Variants in SLC38A2 observed in about 807,000 individuals in gnomAD.
SLC38A2 encodes sodium-coupled neutral amino acid symporter 2.
Under a neutral mutation model 61.5 loss-of-function variants are expected in SLC38A2, and 11 were observed. The ratio of observed to expected loss-of-function variants is 0.18; its 90% CI spans 0.11 to 0.30. The LOEUF (loss-of-function observed/expected upper bound fraction) is 0.30, where lower values mean the gene tolerates loss of function less well. SLC38A2 is among the 10% of genes least tolerant of loss of function. The probability of loss-of-function intolerance (pLI) is 1.00; values close to 1 mark genes in which losing one functional copy is unlikely to be tolerated. For missense variants in SLC38A2, 522 were observed against 600.4 expected (o/e 0.87, Z 1.36); for synonymous variants, 217 against 212.5 (o/e 1.02, Z -0.18).
chr12:46,366,944 A>G lies in SLC38A2; in HGVS notation c.483T>C (p.Ala161=). The change falls in exon 7 of 16, where the codon GCT becomes GCC. Residue 161 remains alanine (A), a splice_region_variant and synonymous_variant. Transcript: ENST00000256689. The part of the protein sequence containing the change: ...SGSITMQNIG[A]MSSYLFIVKY... Reference sequence around the variant, plus strand: ...TCACTATGAAGAGGTAGCTTGACATAGCTGGAGGAAAACAAAATTATACCA... The same window carrying G: ...TCACTATGAAGAGGTAGCTTGACATGGCTGGAGGAAAACAAAATTATACCA... The G allele has an allele frequency of 4.3e-6, 7 of 1,613,380 alleles. No homozygotes were observed. Among genetic ancestry groups the G allele is most frequent in the Non-Finnish European group, 5.9e-6 (7 of 1,179,808 alleles).
At chr12:46,367,945 C>T (rs1943155918) in intron 4 of SLC38A2, among the ~76,000 whole-genome samples, 1 of 152,002 alleles carries the variant, frequency 6.6e-6, no homozygotes, top group South Asian at 2.1e-4. Context: ...TCAGCTTGGA[C>T]AACATAACAT....
At chr12:46,369,729 T>C (rs894491984) in intron 4 of SLC38A2, among the ~76,000 whole-genome samples, 7 of 151,960 alleles carry the variant, frequency 4.6e-5, no homozygotes, top group African/African-American at 1.7e-4. Context: ...AGATCCACAT[T>C]TTTCTATCAT....
At position 46,359,929 on chromosome 12, in the gene SLC38A2, A is replaced by G. The variant is rs543630153; in HGVS notation, c.*1182T>C. On this transcript the variant is annotated 3_prime_UTR_variant, in exon 16 of 16. Transcript: ENST00000256689. ...CCAGTGGCCTACGCAAAGAGAACTT[A>G]TATCATATCAAACATAGGTGTAACC... 13 of 152,778 alleles carry G rather than the reference A, an allele frequency of 8.5e-5. No homozygotes were observed. The highest frequency in any genetic ancestry group is 6.2e-4 in the South Asian group (3 of 4,830). 9.5% of individuals were successfully genotyped at this position (152,778 alleles called of 1,614,324 possible).
At chr12:46,362,662 T>C (rs1943094658) in intron 13 of SLC38A2, 24 bp from the exon 14 acceptor site, 2 of 1,548,244 alleles carry the variant, frequency 1.3e-6, no homozygotes, top group Admixed American at 2.5e-5. Flanking sequence ...AAATAAAATG[T>C]ATTTTAAAAA....
At position 46,358,661 on chromosome 12, in the gene SLC38A2, T is replaced by G. The variant is rs1406761651; in HGVS notation, c.*2450A>C. ...CAGTTAAGAAACTTACAGGAATATATACACTTGAACCCAAGACCCAAACCT... is the reference window on the plus strand; with the variant it reads ...CAGTTAAGAAACTTACAGGAATATAGACACTTGAACCCAAGACCCAAACCT... On this transcript the variant is annotated 3_prime_UTR_variant, in exon 16 of 16. Coordinates refer to ENST00000256689, the MANE Select transcript of SLC38A2 (RefSeq NM_018976.5). 3.9e-5 allele frequency: 6 copies of G among 152,570 alleles called. No individual in the cohort carries two copies. Among genetic ancestry groups the G allele is most frequent in the Non-Finnish European group, 2.9e-5 (2 of 68,032 alleles). 9.5% of individuals were successfully genotyped at this position (152,570 alleles called of 1,614,324 possible). A position where few individuals can be genotyped will look rare whatever the true frequency, so the allele number is the denominator to read the frequency against.
chr12:46,363,919 C>T lies in SLC38A2; in HGVS notation c.953+5G>A, dbSNP rs1398405869. The stretch of plus-strand genomic sequence containing the variant: ...CTCAAATTTATGTAAAAATGAAATA[C>T]TCACTCTTTCAGTTCTTCATAGATG... On this transcript the variant is annotated splice_donor_5th_base_variant and intron_variant, in intron 11 of 15. Transcript: ENST00000256689. 1 of 1,603,500 alleles carries T rather than the reference C, an allele frequency of 6.2e-7. No homozygotes were observed. Among genetic ancestry groups the T allele is most frequent in the Non-Finnish European group, 8.5e-7 (1 of 1,176,218 alleles).
intron 2 of SLC38A2, 135 bp from the exon 3 acceptor site, chr12:46,370,992 A>T: frequency 1.2e-6 from 1 of 840,870 alleles, no homozygotes; most frequent in Non-Finnish European, 1.9e-6. Context: ...TATAAATATT[A>T]ACTAGGAGTT....
intron 7 of SLC38A2, 179 bp from the exon 8 acceptor site, chr12:46,365,368 G>A: frequency 1.6e-6 from 1 of 627,662 alleles, no homozygotes; most frequent in Non-Finnish European, 2.8e-6. Context: ...TGTGCTAGAT[G>A]AACATTTACT....
In SLC38A2 at chr12:46,370,572, A is replaced by G. The variant is rs1345782820; in HGVS notation, c.254T>C (p.Val85Ala). ...AGAAAGCCCAAGGATTCCACTGCCCACAATCGCATTGCTCAGATTAAATAC... is the reference window on the plus strand; with the variant it reads ...AGAAAGCCCAAGGATTCCACTGCCCGCAATCGCATTGCTCAGATTAAATAC... ...MSVFNLSNAIVGSGILGLSYA... is the reference protein window; with the variant it reads ...MSVFNLSNAIAGSGILGLSYA... Residue 85 changes from valine (V) to alanine (A), a missense_variant, in exon 4 of 16, where the codon GTG becomes GCG. Physicochemically the swap from Val to Ala is moderately conservative, Grantham distance 64. Transcript: ENST00000256689. 6.2e-7 allele frequency: 1 copy of G among 1,614,106 alleles called. No homozygotes were observed. Among genetic ancestry groups the G allele is most frequent in the Non-Finnish European group, 8.5e-7 (1 of 1,180,038 alleles).
intron 4 of SLC38A2, 28 bp downstream of exon 4, chr12:46,370,484 G>A: frequency 6.6e-7 from 1 of 1,520,992 alleles, no homozygotes. Context: ...TGCCCTGCAT[G>A]GCAGACTCAC....
chr12:46,369,434 C>CT (rs1943171495), intron 4 of SLC38A2, among the ~76,000 whole-genome samples: 1 of 152,190 alleles, frequency 6.6e-6, no homozygotes, highest in South Asian at 2.1e-4. Flanking sequence ...CAAAGGTCTG[C>CT]TTTTCTTTTC....
intron 8 of SLC38A2, 46 bp downstream of exon 8, chr12:46,365,061 T>C: frequency 6.7e-7 from 1 of 1,482,826 alleles, no homozygotes; most frequent in Non-Finnish European, 9.4e-7. Flanking sequence ...CCCAACTAAC[T>C]GGTGAGAGGC....
chr12:46,371,452 G>A, intron 1 of SLC38A2, 73 bp from the exon 2 acceptor site: 1 of 614,256 alleles, frequency 1.6e-6, no homozygotes, highest in Non-Finnish European at 2.9e-6. Context: ...GCCCGGAGGC[G>A]CAGCGCGGCT....
At position 46,362,602 on chromosome 12, in the gene SLC38A2, T is replaced by C. The variant is rs748619941; in HGVS notation, c.1216A>G (p.Lys406Glu). 2 of 1,589,632 alleles carry C rather than the reference T, an allele frequency of 1.3e-6. No homozygotes were observed. Among genetic ancestry groups the C allele is most frequent in the Non-Finnish European group, 1.7e-6 (2 of 1,174,466 alleles). ...CTATGACGCCACCAACTGAAATCTT[T>C]TGATGCACACAACAAGTGAGTTACA... The part of the protein sequence containing the change: ...SSVTHLLCAS[K>E]DFSWWRHSLI... The change falls in exon 14 of 16, where the codon AAA becomes GAA. Residue 406 changes from lysine (K) to glutamate (E), a missense_variant. This residue lies in a region of SLC38A2 where 309 missense variants were observed against 343.9 expected (regional missense o/e 0.90). Transcript: ENST00000256689.
Position 46,371,113 on chromosome 12 carries a change from C to G in SLC38A2, c.116+65G>C. The G allele has an allele frequency of 5.3e-6, 7 of 1,310,834 alleles. 1 individual carries two copies. In the South Asian group the frequency reaches 7.0e-5, roughly 13 times the overall value. 81.2% of individuals were successfully genotyped at this position (1,310,834 alleles called of 1,614,324 possible). A position where few individuals can be genotyped will look rare whatever the true frequency, so the allele number is the denominator to read the frequency against. ...AAATTAAAGCAATGGAAGCAGAGTC[C>G]TAGGTAACTCCCTGAACCCAACCCA... On this transcript the variant is annotated intron_variant, in intron 2 of 15. Transcript: ENST00000256689.
chr12:46,363,464 A>G (rs980622816), intron 12 of SLC38A2, among the ~76,000 whole-genome samples: 1 of 152,044 alleles, frequency 6.6e-6, no homozygotes, highest in African/African-American at 2.4e-5. Context: ...GACAGGCAAT[A>G]TGAACTCAGA....
chr12:46,361,501 T>A (rs1254114458), intron 15 of SLC38A2, among the ~76,000 whole-genome samples: 1 of 152,140 alleles, frequency 6.6e-6, no homozygotes, highest in African/African-American at 2.4e-5. Context: ...GACTGGATTT[T>A]TTTTTGCAAT....
rs1943115335 is a variant in SLC38A2 at position 46,364,336 on chromosome 12, C to T, written c.873+53G>A. The stretch of plus-strand genomic sequence containing the variant: ...CCTTTACCCTGGGAGTGAATAGCTT[C>T]CCTCTTTTCTTCCCTAAACTCTTCT... On this transcript the variant is annotated intron_variant, in intron 10 of 15. Transcript: ENST00000256689. 2.1e-5 allele frequency: 31 copies of T among 1,495,802 alleles called. No homozygotes were observed. In the South Asian group the frequency reaches 3.8e-4, roughly 18 times the overall value. 92.7% of individuals were successfully genotyped at this position (1,495,802 alleles called of 1,614,324 possible).
intron 12 of SLC38A2, 27 bp from the exon 13 acceptor site, chr12:46,363,172 G>A: frequency 6.2e-7 from 1 of 1,606,020 alleles, no homozygotes; most frequent in Non-Finnish European, 8.5e-7. Flanking sequence ...AAAAAACTTT[G>A]ATTGGCTGTT....
Sources: allele counts gnomAD v4.1 joint callset (sites outside exome capture counted in the v4.1 genomes callset), GRCh38; gene constraint gnomAD v4.1.1; regional missense constraint gnomAD v4.1.1; transcripts MANE v1.5; gene names NCBI Gene and HGNC (gene_info 2026-07-23, HGNC 2026-07-21).